The following EPHA6 variants were observed in gnomAD, a reference collection of about 807,000 sequenced individuals.
EPHA6 encodes the protein EPH receptor A6.
In EPHA6, 50 loss-of-function variants were observed where a neutral mutation model predicts 112.0. That is an observed-to-expected ratio of 0.45 (90% CI 0.36 to 0.56). EPHA6 has a LOEUF of 0.56. EPHA6 is among the 20% of genes least tolerant of loss of function. EPHA6 has a pLI of 0.00. For synonymous variants in EPHA6, 529 were observed against 490.7 expected (o/e 1.08, Z -1.03); for missense variants, 1,280 against 1,417.4 (o/e 0.90, Z 1.56).
intron 3 of EPHA6, among the ~76,000 whole-genome samples, chr3:97,028,131 A>G (rs887730849): frequency 3.3e-5 from 5 of 152,188 alleles, no homozygotes; most frequent in African/African-American, 9.6e-5. Context: ...TGACTGGACC[A>G]TCTAGAAGTG....
chr3:97,153,608 C>T (rs532201265), intron 3 of EPHA6, among the ~76,000 whole-genome samples: 1 of 151,982 alleles, frequency 6.6e-6, no homozygotes, highest in South Asian at 2.1e-4. Context: ...GCTCCAGGGA[C>T]TAAAAAAACA....
At chr3:96,894,297 T>A (rs753277722) in intron 2 of EPHA6, among the ~76,000 whole-genome samples, 29 of 152,130 alleles carry the variant, frequency 1.9e-4, no homozygotes, top group Non-Finnish European at 2.9e-4. Context: ...AATGGAGAGA[T>A]ACTGTTTGAA....
At chr3:97,617,690 A>G (rs2093778013) in intron 13 of EPHA6, among the ~76,000 whole-genome samples, 1 of 152,202 alleles carries the variant, frequency 6.6e-6, no homozygotes, top group Admixed American at 6.5e-5. Context: ...AAAGAAAGGT[A>G]TTACATAATG....
chr3:97,556,890 A>T, intron 11 of EPHA6, among the ~76,000 whole-genome samples: 1 of 152,112 alleles, frequency 6.6e-6, no homozygotes, highest in African/African-American at 2.4e-5. Context: ...AAGTATAAAA[A>T]TTAAATAATG....
chr3:97,472,823 C>T (rs552862825), intron 7 of EPHA6, among the ~76,000 whole-genome samples: 22 of 151,774 alleles, frequency 1.4e-4, no homozygotes, highest in African/African-American at 4.3e-4. Context: ...TAACCAAAAC[C>T]GCTAGATCTA....
intron 5 of EPHA6, among the ~76,000 whole-genome samples, chr3:97,272,983 C>T (rs1417573281): frequency 2.0e-5 from 3 of 151,786 alleles, no homozygotes; most frequent in East Asian, 1.9e-4. Flanking sequence ...CTGCTTCGAG[C>T]GGGATTAGGG....
At chr3:97,711,365 G>A (rs1223645279) in intron 14 of EPHA6, among the ~76,000 whole-genome samples, 2 of 151,252 alleles carry the variant, frequency 1.3e-5, no homozygotes, top group East Asian at 3.9e-4. Context: ...GCAAGAAAAT[G>A]GACTAATACA....
intron 2 of EPHA6, among the ~76,000 whole-genome samples, chr3:96,926,850 C>T (rs2040061821): frequency 6.6e-6 from 1 of 152,176 alleles, no homozygotes; most frequent in African/African-American, 2.4e-5. Context: ...GTGCACTGTG[C>T]AAACTGTCAG....
At chr3:97,451,336 A>C (rs915535663) in intron 7 of EPHA6, among the ~76,000 whole-genome samples, 2 of 151,942 alleles carry the variant, frequency 1.3e-5, no homozygotes, top group African/African-American at 2.4e-5. Flanking sequence ...CTTTACCAGA[A>C]TCTGATACCT....
chr3:96,902,436 A>G (rs1050679762), intron 2 of EPHA6, among the ~76,000 whole-genome samples: 4 of 152,196 alleles, frequency 2.6e-5, no homozygotes, highest in African/African-American at 9.7e-5. Context: ...CAAAAGGGAA[A>G]GCAGTGACCC....
chr3:97,652,910 T>C (rs1022475320), intron 14 of EPHA6, among the ~76,000 whole-genome samples: 2 of 152,118 alleles, frequency 1.3e-5, no homozygotes, highest in Non-Finnish European at 2.9e-5. Flanking sequence ...CTACCTGATA[T>C]AGTAATCAAC....
At chr3:96,955,330 T>TTA (rs2041715879) in intron 2 of EPHA6, among the ~76,000 whole-genome samples, 2 of 152,226 alleles carry the variant, frequency 1.3e-5, no homozygotes, top group Non-Finnish European at 2.9e-5. Context: ...TTTATTTGGA[T>TTA]TTCCATATAG....
chr3:97,526,237 C>G (rs535883983), intron 10 of EPHA6, among the ~76,000 whole-genome samples: 1 of 152,174 alleles, frequency 6.6e-6, no homozygotes, highest in African/African-American at 2.4e-5. Context: ...TGTGCCCAAG[C>G]AGGCCAAGCT....
At chr3:97,375,104 G>C (rs1011514710) in intron 5 of EPHA6, among the ~76,000 whole-genome samples, 1 of 152,046 alleles carries the variant, frequency 6.6e-6, no homozygotes, top group Non-Finnish European at 1.5e-5. Flanking sequence ...CAAATTAAAG[G>C]TTCTCTGTCA....
chr3:97,577,829 T>C (rs964488644), intron 11 of EPHA6, among the ~76,000 whole-genome samples: 1 of 152,186 alleles, frequency 6.6e-6, no homozygotes, highest in Non-Finnish European at 1.5e-5. Flanking sequence ...TGGTTTTTTT[T>C]GTAGTGGAAG....
At chr3:97,531,186 A>G (rs1037570672) in intron 10 of EPHA6, among the ~76,000 whole-genome samples, 8 of 152,040 alleles carry the variant, frequency 5.3e-5, no homozygotes, top group Admixed American at 2.0e-4. Flanking sequence ...GGATTATGGA[A>G]GATTTTATTA....
intron 16 of EPHA6, 45 bp downstream of exon 16, chr3:97,736,163 T>C: frequency 6.6e-7 from 1 of 1,520,010 alleles, no homozygotes. Flanking sequence ...ACAATTATGG[T>C]TTCTTTCAGG....
chr3:97,516,052 C>G (rs1488885636), intron 10 of EPHA6, among the ~76,000 whole-genome samples: 4 of 151,950 alleles, frequency 2.6e-5, no homozygotes, highest in African/African-American at 9.7e-5. Flanking sequence ...TTAACATGTT[C>G]TCTATGGTAT....
chr3:97,193,362 G>T (rs1013677853), intron 3 of EPHA6, among the ~76,000 whole-genome samples: 2 of 151,854 alleles, frequency 1.3e-5, no homozygotes, highest in Admixed American at 1.3e-4. Context: ...CATTTGTTTG[G>T]TTAAGTCTTT....
Sources: allele counts gnomAD v4.1 joint callset (sites outside exome capture counted in the v4.1 genomes callset), GRCh38; gene constraint gnomAD v4.1.1; transcripts MANE v1.5; gene names NCBI Gene and HGNC (gene_info 2026-07-23, HGNC 2026-07-21).